The following XDH variants were observed in gnomAD, a reference collection of about 807,000 sequenced individuals.
XDH encodes the protein xanthine dehydrogenase.
In XDH, 138 loss-of-function variants were observed where a neutral mutation model predicts 156.1. That is an observed-to-expected ratio of 0.88 (90% CI 0.77 to 1.02). The LOEUF (loss-of-function observed/expected upper bound fraction) is 1.02, where lower values mean the gene tolerates loss of function less well. XDH is among the 50% of genes least tolerant of loss of function. The pLI is 0.00. For missense variants in XDH, 1,849 were observed against 1,684.9 expected (o/e 1.10, Z -1.71); for synonymous variants, 669 against 625.7 (o/e 1.07, Z -1.03).
chr2:31,382,684 G>C (rs941561635), intron 11 of XDH, among the ~76,000 whole-genome samples: 2 of 152,216 alleles, frequency 1.3e-5, no homozygotes, highest in South Asian at 4.1e-4. Context: ...AGCTCAGGAA[G>C]GGGGAGGGAG....
chr2:31,355,727 T>C (rs1239020792), intron 24 of XDH, among the ~76,000 whole-genome samples: 7 of 151,964 alleles, frequency 4.6e-5, no homozygotes, highest in African/African-American at 1.7e-4. Flanking sequence ...GAAAAGCTGA[T>C]AGAACAAACA....
intron 1 of XDH, among the ~76,000 whole-genome samples, chr2:31,411,894 G>A (rs1687352151): frequency 6.6e-6 from 1 of 152,234 alleles, no homozygotes; most frequent in Non-Finnish European, 1.5e-5. Context: ...CCTGTTGTCT[G>A]AGGCCTCAGA....
In XDH at chr2:31,379,847, A is replaced by T. The variant is rs1203426428; in HGVS notation, c.1242+20T>A. ...TAGGACTTATTTGAGCAGAGCCTGG[A>T]ACCACTTCCAACATCTCACCTCCCT... On this transcript the variant is annotated intron_variant, in intron 13 of 35. Transcript: ENST00000379416. 6.2e-7 allele frequency: 1 copy of T among 1,611,742 alleles called. No homozygotes were observed. Among genetic ancestry groups the T allele is most frequent in the African/African-American group, 1.3e-5 (1 of 74,874 alleles).
chr2:31,388,068 G>A (rs910124927), intron 7 of XDH, among the ~76,000 whole-genome samples, 159 bp downstream of exon 7: 10 of 152,028 alleles, frequency 6.6e-5, no homozygotes, highest in African/African-American at 1.2e-4. Context: ...TACAGGACCC[G>A]GGGCTAACGT....
chr2:31,391,261 G>C (rs1481340551), intron 6 of XDH, among the ~76,000 whole-genome samples: 2 of 152,046 alleles, frequency 1.3e-5, no homozygotes, highest in Non-Finnish European at 2.9e-5. Context: ...TTTCTTCTTT[G>C]TGAAACATCA....
intron 13 of XDH, 56 bp from the exon 14 acceptor site, chr2:31,377,293 T>C (rs1686271136): frequency 1.2e-6 from 2 of 1,606,228 alleles, no homozygotes. Context: ...GGGCTGCAAA[T>C]GGCAGACCCA....
In XDH at chr2:31,350,104, C is replaced by A. The variant is rs369230654; in HGVS notation, c.2751G>T (p.Gly917=). ...PSNTAFRGFG[G]PQGMLIAECW... is the part of the protein sequence containing the mutation. ...ACTCGGCAATGAGCATCCCCTGGGGCCCCCCAAAGCCCCGGAAGGCCGTGT... is the reference window on the plus strand; with the variant it reads ...ACTCGGCAATGAGCATCCCCTGGGGACCCCCAAAGCCCCGGAAGGCCGTGT... Residue 917 remains glycine (G), a synonymous_variant, in exon 25 of 36, where the codon GGG becomes GGT. Transcript: ENST00000379416. 6.2e-6 allele frequency: 10 copies of A among 1,614,086 alleles called. No homozygotes were observed. The East Asian group carries it at 6.7e-5, about 11-fold the overall frequency.
chr2:31,410,173 C>A lies in XDH; in HGVS notation c.43-4209G>T, dbSNP rs1394392894. 2.0e-5 allele frequency among the ~76,000 whole-genome samples: 3 copies of A among 152,110 alleles called. No homozygotes were observed. The East Asian group carries it at 5.8e-4, about 29-fold the overall frequency. ...TTCCCCTTAAGTGAGGTAGTTTAGT[C>A]AAATTCATAGAGACAGAAAAAATGA... On this transcript the variant is annotated intron_variant, in intron 1 of 35. Coordinates refer to ENST00000379416, the MANE Select transcript of XDH (RefSeq NM_000379.4).
At chr2:31,339,704 A>G in intron 33 of XDH, 27 bp from the exon 34 acceptor site, 3 of 1,612,648 alleles carry the variant, frequency 1.9e-6, no homozygotes, top group African/African-American at 2.7e-5. Flanking sequence ...GAGCACAGTT[A>G]GCCTGCCACC....
chr2:31,394,967 C>T (rs1321268821), intron 6 of XDH, among the ~76,000 whole-genome samples: 1 of 152,190 alleles, frequency 6.6e-6, no homozygotes, highest in East Asian at 1.9e-4. Flanking sequence ...AATCTCTTAG[C>T]ATACTAATCA....
intron 20 of XDH, 60 bp downstream of exon 20, chr2:31,367,890 ATGCATATCTCT>A: frequency 2.1e-6 from 3 of 1,410,786 alleles, no homozygotes; most frequent in Non-Finnish European, 3.0e-6. Context: ...TCAGGGTTCA[ATGCATATCTCT>A]TGAATTTAAT....
chr2:31,346,199 C>T (rs971402413), intron 30 of XDH, among the ~76,000 whole-genome samples: 1 of 152,198 alleles, frequency 6.6e-6, no homozygotes. Context: ...GACTCCCTTG[C>T]CCCTTCCCTC....
At chr2:31,337,896 AGGCAGCAAACTCTGCACGAGGAGGGCT>A in intron 34 of XDH, 79 bp from the exon 35 acceptor site, 1 of 1,523,136 alleles carries the variant, frequency 6.6e-7, no homozygotes, top group Non-Finnish European at 8.9e-7. Context: ...CTAGGAGGCC[AGGCAGCAAACTCTGCACGAGGAGGGCT>A]GGTGGCACCA....
At chr2:31,358,488 C>T (rs1685684229) in intron 24 of XDH, among the ~76,000 whole-genome samples, 1 of 152,078 alleles carries the variant, frequency 6.6e-6, no homozygotes, top group African/African-American at 2.4e-5. Context: ...CAATATTTCT[C>T]ATGAATATGG....
intron 22 of XDH, 135 bp from the exon 23 acceptor site, chr2:31,365,679 C>T: frequency 9.0e-7 from 1 of 1,108,312 alleles, no homozygotes; most frequent in Non-Finnish European, 1.4e-6. Context: ...GGCTGCTTTG[C>T]CATCTAGGCA....
At position 31,348,374 on chromosome 2, in the gene XDH, A is replaced by G. The variant is rs1476014028; in HGVS notation, c.3052-11T>C. 6.2e-7 allele frequency: 1 copy of G among 1,613,752 alleles called. No homozygotes were observed. Among genetic ancestry groups the G allele is most frequent in the Admixed American group, 1.7e-5 (1 of 60,008 alleles). ...AAGTAGGGCTCCTGCCTAGGGAAAG[A>G]GAAGGATGCCAGACACAAAATTCAG... On this transcript the variant is annotated splice_polypyrimidine_tract_variant and intron_variant, in intron 27 of 35. Transcript: ENST00000379416.
At position 31,349,807 on chromosome 2, in the gene XDH, C is replaced by CT; in HGVS notation, c.2847dup (p.Glu950ArgfsTer12). 1 of 1,614,144 alleles carries CT rather than the reference C, an allele frequency of 6.2e-7. No individual in the cohort carries two copies. Among genetic ancestry groups the CT allele is most frequent in the Non-Finnish European group, 8.5e-7 (1 of 1,180,036 alleles). ...TGGTTGAAGTGTGTCAGGTCCCCTT[C>CT]TTTGTACAGGTTTTTTCTCCGCACC... On this transcript the variant is annotated frameshift_variant, in exon 26 of 36. Coordinates refer to ENST00000379416, the MANE Select transcript of XDH (RefSeq NM_000379.4). LOFTEE classifies it high-confidence loss of function.
chr2:31,367,547 A>T (rs1572533796), intron 20 of XDH, among the ~76,000 whole-genome samples: 1 of 152,134 alleles, frequency 6.6e-6, no homozygotes, highest in African/African-American at 2.4e-5. Flanking sequence ...TCAGAGACAG[A>T]GGTGGAGGGA....
intron 24 of XDH, among the ~76,000 whole-genome samples, chr2:31,353,574 G>C (rs1203156406): frequency 6.6e-6 from 1 of 152,070 alleles, no homozygotes; most frequent in Non-Finnish European, 1.5e-5. Flanking sequence ...TTTCCTTTTT[G>C]CCTCATCTAT....
Sources: allele counts gnomAD v4.1 joint callset (sites outside exome capture counted in the v4.1 genomes callset), GRCh38; gene constraint gnomAD v4.1.1; transcripts MANE v1.5; gene names NCBI Gene and HGNC (gene_info 2026-07-23, HGNC 2026-07-21).